Variants in NTRK2 observed in about 807,000 individuals in gnomAD.
NTRK2 encodes BDNF/NT-3 growth factors receptor.
NTRK2 carries 13 observed loss-of-function variants against 94.5 expected under a neutral mutation model. That is an observed-to-expected ratio of 0.14 (90% confidence interval 0.09 to 0.22). The LOEUF (loss-of-function observed/expected upper bound fraction) is 0.22. NTRK2 is among the 10% of genes least tolerant of loss of function. The pLI is 1.00. For missense variants in NTRK2, 639 were observed against 1,071.2 expected (o/e 0.60, Z 5.63); for synonymous variants, 372 against 407.4 (o/e 0.91, Z 1.05).
intron 17 of NTRK2, among the ~76,000 whole-genome samples, chr9:84,982,078 A>C (rs999664068): frequency 6.6e-5 from 10 of 152,238 alleles, no homozygotes; most frequent in Non-Finnish European, 1.2e-4. Flanking sequence ...ACTTACATGC[A>C]ATAGTATCTT....
intron 12 of NTRK2, among the ~76,000 whole-genome samples, chr9:84,800,724 G>A (rs2133378064): frequency 6.6e-6 from 1 of 152,284 alleles, no homozygotes; most frequent in African/African-American, 2.4e-5. Context: ...TCAGCAGCCA[G>A]GACCCACCAT....
chr9:84,745,290 G>T (rs1249408550), intron 11 of NTRK2, among the ~76,000 whole-genome samples: 2 of 152,178 alleles, frequency 1.3e-5, no homozygotes, highest in Non-Finnish European at 2.9e-5. Context: ...ACTTTTGGTT[G>T]TTAGTGGTTC....
At chr9:84,958,804 A>C (rs1450351625) in intron 17 of NTRK2, among the ~76,000 whole-genome samples, 2 of 152,204 alleles carry the variant, frequency 1.3e-5, no homozygotes, top group Non-Finnish European at 2.9e-5. Context: ...TTTTCGTTTC[A>C]TGAAAGTGAA....
chr9:84,689,184 G>A (rs1250393309), intron 2 of NTRK2, among the ~76,000 whole-genome samples: 1 of 152,254 alleles, frequency 6.6e-6, no homozygotes, highest in Non-Finnish European at 1.5e-5. Flanking sequence ...TGGGAGGACT[G>A]AAAAGCAAAA....
At chr9:84,708,437 C>T (rs2061241053) in intron 5 of NTRK2, among the ~76,000 whole-genome samples, 1 of 142,666 alleles carries the variant, frequency 7.0e-6, no homozygotes, top group South Asian at 2.4e-4. Flanking sequence ...TTATTGCATT[C>T]AATATTTATT....
At chr9:84,792,489 A>G (rs2068830612) in intron 12 of NTRK2, among the ~76,000 whole-genome samples, 1 of 152,204 alleles carries the variant, frequency 6.6e-6, no homozygotes, top group Admixed American at 6.5e-5. Context: ...AATTCAGATG[A>G]AAATTCCTTC....
intron 14 of NTRK2, among the ~76,000 whole-genome samples, chr9:84,926,382 G>A: frequency 6.6e-6 from 1 of 151,814 alleles, no homozygotes; most frequent in East Asian, 1.9e-4. Flanking sequence ...ACAGGCATGT[G>A]CCACCATGCC....
chr9:84,756,959 G>A (rs1352784577), intron 12 of NTRK2, among the ~76,000 whole-genome samples: 3 of 152,178 alleles, frequency 2.0e-5, no homozygotes, highest in African/African-American at 7.2e-5. Context: ...CATAAACATA[G>A]CGGGGCCAAA....
rs56021326 is a variant in NTRK2, at chr9:84,944,215, TCACACACACACA to T, written c.1765-4220_1765-4209del. On this transcript the variant is annotated intron_variant, in intron 15 of 18. Coordinates refer to ENST00000277120, the MANE Select transcript of NTRK2 (RefSeq NM_006180.6). ...TGTTCTCTCTCTCTCTCTCTCTCTC[TCACACACACACA>T]CACACACACACACACACACACACAC... Among the ~76,000 whole-genome samples, 439 of 120,332 alleles carry T rather than the reference TCACACACACACA, an allele frequency of 3.6e-3. 1 individual carries two copies. Among genetic ancestry groups the T allele is most frequent in the Middle Eastern group, 0.017 (4 of 240 alleles). 78.9% of individuals were successfully genotyped at this position (120,332 alleles called of 152,430 possible).
In NTRK2 at chr9:84,955,284, G is replaced by A. The variant is rs1445862129; in HGVS notation, c.1939G>A (p.Ala647Thr). 6.3e-7 allele frequency: 1 copy of A among 1,596,530 alleles called. No individual in the cohort carries two copies. Among genetic ancestry groups the A allele is most frequent in the East Asian group, 2.3e-5 (1 of 43,596 alleles). ...KHGDLNKFLR[A>T]HGPDAVLMAE... is the part of the protein sequence containing the mutation. ...TTCATTCTCCATGTCCTTCCCCAGG[G>A]CACACGGCCCTGATGCCGTGCTGAT... Residue 647 changes from alanine to threonine, a missense_variant and splice_region_variant, in exon 17 of 19, where the codon GCA becomes ACA. Transcript: ENST00000277120.
At chr9:84,951,275 T>C (rs1409965940) in intron 16 of NTRK2, among the ~76,000 whole-genome samples, 1 of 152,206 alleles carries the variant, frequency 6.6e-6, no homozygotes, top group East Asian at 1.9e-4. Flanking sequence ...TTATCCTACG[T>C]CAGCAAAATT....
rs187458997 is a variant in NTRK2, at chr9:84,766,739, C to T, written c.1396+14654C>T. On this transcript the variant is annotated intron_variant, in intron 12 of 18. Transcript: ENST00000277120. ...ACACATTCAATGCACACAAACCACA[C>T]ACATTCAACACACTTTTAATACATA... Among the ~76,000 whole-genome samples the T allele has an allele frequency of 3.3e-5, 5 of 151,936 alleles. No homozygotes were observed. In the East Asian group the frequency reaches 9.7e-4, roughly 29 times the overall value.
Position 84,888,982 on chromosome 9 carries a change from ATTTTTTTTTTTTTTT to A in NTRK2, c.1633+21563_1633+21577del, listed in dbSNP as rs71369159. The stretch of plus-strand genomic sequence containing the variant: ...TCCCCATTATTTATTAATGACAGAA[ATTTTTTTTTTTTTTT>A]TTTTTTTTTTTGAGACGGAGTCTCG... On this transcript the variant is annotated intron_variant, in intron 14 of 18. Transcript: ENST00000277120. Among the ~76,000 whole-genome samples the A allele has an allele frequency of 7.8e-3, 797 of 101,738 alleles. 17 individuals are homozygous for A. The highest frequency in any genetic ancestry group is 0.029 in the African/African-American group (725 of 25,048). 66.7% of individuals were successfully genotyped at this position (101,738 alleles called of 152,430 possible).
chr9:84,873,927 T>C lies in NTRK2; in HGVS notation c.1633+6496T>C, dbSNP rs76285156. ...AGACAGAGTGATATTCTGAAGACTG[T>C]GTTTACTCCCTCATCATCGGCCAAC... On this transcript the variant is annotated intron_variant, in intron 14 of 18. Coordinates refer to ENST00000277120, the MANE Select transcript of NTRK2 (RefSeq NM_006180.6). 1,389 of 1,063,102 alleles carry C rather than the reference T, an allele frequency of 1.3e-3. 31 individuals are homozygous for C. In the Admixed American group the frequency reaches 0.04, roughly 30 times the overall value. The allele number at this position is 1,063,102 out of a possible 1,614,324, so 65.9% of individuals were successfully genotyped here. A position where few individuals can be genotyped will look rare whatever the true frequency, so the allele number is the denominator to read the frequency against.
At chr9:84,765,633 C>A (rs907711355) in intron 12 of NTRK2, among the ~76,000 whole-genome samples, 2 of 152,132 alleles carry the variant, frequency 1.3e-5, no homozygotes, top group Admixed American at 1.3e-4. Flanking sequence ...GAAGACTCCA[C>A]AACACAACTT....
Position 85,025,905 on chromosome 9 carries a change from G to T in NTRK2, c.*4468G>T. 1 of 230,276 alleles carries T rather than the reference G, an allele frequency of 4.3e-6. No homozygotes were observed. Among genetic ancestry groups the T allele is most frequent in the Non-Finnish European group, 8.6e-6 (1 of 116,204 alleles). The allele number at this position is 230,276 out of a possible 1,614,324, so 14.3% of individuals were successfully genotyped here. The stretch of plus-strand genomic sequence containing the variant: ...CATGAATTTCAAATGTCATTCTAAA[G>T]AATGAGGGGTGGGAGGGATTTATAG... On this transcript the variant is annotated 3_prime_UTR_variant, in exon 19 of 19. Coordinates refer to ENST00000277120, the MANE Select transcript of NTRK2 (RefSeq NM_006180.6).
intron 14 of NTRK2, among the ~76,000 whole-genome samples, chr9:84,914,316 C>T (rs191848291): frequency 1.3e-5 from 2 of 152,226 alleles, no homozygotes; most frequent in Admixed American, 1.3e-4. Context: ...ACATTACTGT[C>T]ATCTTGGTGT....
intron 12 of NTRK2, among the ~76,000 whole-genome samples, chr9:84,798,228 T>A (rs1405584569): frequency 1.3e-5 from 2 of 152,150 alleles, no homozygotes; most frequent in Non-Finnish European, 2.9e-5. Context: ...GTGAGGACAT[T>A]AATTTCATTC....
intron 12 of NTRK2, among the ~76,000 whole-genome samples, chr9:84,777,962 T>A (rs1472907865): frequency 1.3e-5 from 2 of 152,174 alleles, no homozygotes; most frequent in Admixed American, 6.5e-5. Flanking sequence ...GCAATTTGAT[T>A]TTTCGAAAAA....
Sources: allele counts gnomAD v4.1 joint callset (sites outside exome capture counted in the v4.1 genomes callset), GRCh38; gene constraint gnomAD v4.1.1; transcripts MANE v1.5; gene names NCBI Gene and HGNC (gene_info 2026-07-23, HGNC 2026-07-21).